The following WHAMM variants were observed in gnomAD, a reference collection of about 807,000 sequenced individuals.
The protein encoded by WHAMM is WASP homolog-associated protein with actin, membranes and microtubules.
Under a neutral mutation model 76.5 loss-of-function variants are expected in WHAMM, and 67 were observed. The observed-to-expected ratio is 0.88, with a 90% CI of 0.72 to 1.07. The LOEUF (loss-of-function observed/expected upper bound fraction) is 1.07. Among genes scored for constraint, WHAMM ranks in the 50% least tolerant of loss-of-function variants. The pLI, the probability that WHAMM is intolerant of heterozygous loss-of-function variation, is 0.00. For missense variants in WHAMM, 1,021 were observed against 1,051.1 expected (o/e 0.97, Z 0.40); for synonymous variants, 419 against 422.1 (o/e 0.99, Z 0.09).
At chr15:82,821,810 C>T (rs2050833440) in intron 5 of WHAMM, among the ~76,000 whole-genome samples, 1 of 152,122 alleles carries the variant, frequency 6.6e-6, no homozygotes, top group Non-Finnish European at 1.5e-5. Flanking sequence ...GTGGTCTTTG[C>T]AATTTTGAAT....
At position 82,813,102 on chromosome 15, in the gene WHAMM, G is replaced by A. The variant is rs781528678; in HGVS notation, c.610-1G>A. ...GAGCTTTATTCACATTTGCTTTCTA[G>A]GTTATTCAAGGACACGGAAAAGCCA... On this transcript the variant is annotated splice_acceptor_variant, in intron 1 of 9. Coordinates refer to ENST00000286760, the MANE Select transcript of WHAMM (RefSeq NM_001080435.3). LOFTEE classifies it high-confidence loss of function. The A allele has an allele frequency of 7.5e-6, 12 of 1,595,402 alleles. No homozygotes were observed. The highest frequency in any genetic ancestry group is 5.4e-5 in the Admixed American group (3 of 55,722).
chr15:82,816,964 C>G (rs572832463), intron 3 of WHAMM, 122 bp downstream of exon 3: 1 of 1,002,922 alleles, frequency 1.0e-6, no homozygotes, highest in Non-Finnish European at 1.4e-6. Context: ...AATTCAGTGT[C>G]AAGCGTTAAG....
chr15:82,810,658 A>G (rs2050613513), intron 1 of WHAMM: 2 of 985,492 alleles, frequency 2.0e-6, no homozygotes, highest in Non-Finnish European at 2.4e-6. Flanking sequence ...AAATATTGCA[A>G]GCAAGACTGA....
At chr15:82,822,158 TA>T (rs949416085) in intron 5 of WHAMM, among the ~76,000 whole-genome samples, 2 of 152,026 alleles carry the variant, frequency 1.3e-5, no homozygotes, top group Non-Finnish European at 2.9e-5. Flanking sequence ...AGCATGGCTT[TA>T]AAAAAAATCA....
intron 9 of WHAMM, among the ~76,000 whole-genome samples, chr15:82,832,242 C>T (rs904809319): frequency 6.6e-6 from 1 of 152,164 alleles, no homozygotes; most frequent in African/African-American, 2.4e-5. Flanking sequence ...GAATTTGCAC[C>T]AGAGAATGCC....
chr15:82,816,860 G>C lies in WHAMM; in HGVS notation c.934+18G>C, dbSNP rs1245307294. The C allele has an allele frequency of 6.5e-7, 1 of 1,547,574 alleles. No homozygotes were observed. The highest frequency in any genetic ancestry group is 1.4e-5 in the African/African-American group (1 of 72,922). ...ATTAGCAGGTGATAATTTAAAAAAT[G>C]CTATATGAAGATACATGTAATTGAT... On this transcript the variant is annotated intron_variant, in intron 3 of 9. Coordinates refer to ENST00000286760, the MANE Select transcript of WHAMM (RefSeq NM_001080435.3).
chr15:82,815,736 G>A (rs937790310), intron 2 of WHAMM, among the ~76,000 whole-genome samples: 3 of 152,164 alleles, frequency 2.0e-5, no homozygotes, highest in African/African-American at 7.2e-5. Flanking sequence ...GTTACTGTGT[G>A]TCTCTTTGGT....
chr15:82,829,927 A>C (rs1199642402), intron 8 of WHAMM, among the ~76,000 whole-genome samples: 2 of 152,200 alleles, frequency 1.3e-5, no homozygotes, highest in African/African-American at 2.4e-5. Context: ...GTTTTTCTAT[A>C]TCAAATGAAT....
chr15:82,828,125 A>G (rs995963774), intron 8 of WHAMM, among the ~76,000 whole-genome samples: 1 of 152,194 alleles, frequency 6.6e-6, no homozygotes. Flanking sequence ...TGCCTTCTGT[A>G]TACCAGGCAC....
At chr15:82,822,768 T>C (rs2050851011) in intron 5 of WHAMM, among the ~76,000 whole-genome samples, 1 of 152,156 alleles carries the variant, frequency 6.6e-6, no homozygotes, top group Non-Finnish European at 1.5e-5. Flanking sequence ...ATGGAAAATG[T>C]TCTTTTAGAA....
At position 82,817,916 on chromosome 15, in the gene WHAMM, A is replaced by G; in HGVS notation, c.935-4A>G. The G allele has an allele frequency of 6.6e-7, 1 of 1,511,108 alleles. No homozygotes were observed. Among genetic ancestry groups the G allele is most frequent in the Non-Finnish European group, 8.9e-7 (1 of 1,126,472 alleles). 93.6% of individuals were successfully genotyped at this position (1,511,108 alleles called of 1,614,324 possible). A position where few individuals can be genotyped will look rare whatever the true frequency, so the allele number is the denominator to read the frequency against. Reference sequence around the variant, plus strand: ...AATTATATTTTATTTTTATAATCCAACAGGAATGCAGAAAGAAATGGAACA... The same window carrying G: ...AATTATATTTTATTTTTATAATCCAGCAGGAATGCAGAAAGAAATGGAACA... On this transcript the variant is annotated splice_polypyrimidine_tract_variant and splice_region_variant and intron_variant, in intron 3 of 9. Transcript: ENST00000286760.
rs1301361603 is a variant in WHAMM, at chr15:82,834,440, G to A, written c.*904G>A. On this transcript the variant is annotated 3_prime_UTR_variant, in exon 10 of 10. Coordinates refer to ENST00000286760, the MANE Select transcript of WHAMM (RefSeq NM_001080435.3). ...ATAGGTGGGATGTCAAGACCCATCGGAAGTGTCGCTGGCCTAAGAGAAGAG... is the reference window on the plus strand; with the variant it reads ...ATAGGTGGGATGTCAAGACCCATCGAAAGTGTCGCTGGCCTAAGAGAAGAG... The A allele has an allele frequency of 6.6e-6, 1 of 152,640 alleles. No individual in the cohort carries two copies. Among genetic ancestry groups the A allele is most frequent in the African/African-American group, 2.4e-5 (1 of 41,466 alleles). The allele number at this position is 152,640 out of a possible 1,614,324, so 9.5% of individuals were successfully genotyped here.
chr15:82,813,033 T>C, intron 1 of WHAMM, 70 bp from the exon 2 acceptor site: 2 of 1,190,346 alleles, frequency 1.7e-6, no homozygotes, highest in East Asian at 5.6e-5. Context: ...TTCTTTTGTT[T>C]AGTTTTGTTT....
At position 82,818,398 on chromosome 15, in the gene WHAMM, C is replaced by T. The variant is rs576756079; in HGVS notation, c.1104+309C>T. 3.3e-5 allele frequency among the ~76,000 whole-genome samples: 5 copies of T among 152,318 alleles called. No individual in the cohort carries two copies. The East Asian group carries it at 9.6e-4, about 29-fold the overall frequency. On this transcript the variant is annotated intron_variant, in intron 4 of 9. Transcript: ENST00000286760. ...AAAGCACACTTTTATTTTTAGATAGCACTTTTCTTTCCAGGCATCGTTAAA... is the reference window on the plus strand; with the variant it reads ...AAAGCACACTTTTATTTTTAGATAGTACTTTTCTTTCCAGGCATCGTTAAA...
In WHAMM at chr15:82,818,193, A is replaced by G. The variant is rs1218079430; in HGVS notation, c.1104+104A>G. The G allele has an allele frequency of 4.0e-6, 5 of 1,256,996 alleles. No homozygotes were observed. In the Admixed American group the frequency reaches 1.2e-4, roughly 31 times the overall value. The allele number at this position is 1,256,996 out of a possible 1,614,324, so 77.9% of individuals were successfully genotyped here. The stretch of plus-strand genomic sequence containing the variant: ...AGTGCAGTTTTTGTTCCATGGATAT[A>G]TTGTGTAGTGGTGAAGTTTGGGCTT... On this transcript the variant is annotated intron_variant, in intron 4 of 9. Transcript: ENST00000286760.
At chr15:82,810,935 CT>C (rs2050617306) in intron 1 of WHAMM, among the ~76,000 whole-genome samples, 1 of 152,240 alleles carries the variant, frequency 6.6e-6, no homozygotes, top group East Asian at 1.9e-4. Flanking sequence ...GAGTGGTAAA[CT>C]TACTGAACCT....
In WHAMM at chr15:82,819,459, A is replaced by C. The variant is rs749533003; in HGVS notation, c.1241A>C (p.Gln414Pro). Residue 414 changes from glutamine (Q) to proline (P), a missense_variant, in exon 5 of 10, where the codon CAG (glutamine) becomes CCG (proline). Transcript: ENST00000286760. ...AACGAAGAAATACTGCTTACTACACAGTTGGACTCTCTTAAAAGACTTATA... is the reference window on the plus strand; with the variant it reads ...AACGAAGAAATACTGCTTACTACACCGTTGGACTCTCTTAAAAGACTTATA... ...LKNEEILLTTQLDSLKRLIKE... is the reference protein window; with the variant it reads ...LKNEEILLTTPLDSLKRLIKE... 9 of 1,263,542 alleles carry C rather than the reference A, an allele frequency of 7.1e-6. No homozygotes were observed. The South Asian group carries it at 1.4e-4, about 20-fold the overall frequency. The allele number at this position is 1,263,542 out of a possible 1,614,324, so 78.3% of individuals were successfully genotyped here.
At chr15:82,818,430 C>A (rs1271990874) in intron 4 of WHAMM, among the ~76,000 whole-genome samples, 1 of 152,196 alleles carries the variant, frequency 6.6e-6, no homozygotes, top group African/African-American at 2.4e-5. Flanking sequence ...TAAAGAGCTT[C>A]TTTTCTTCGC....
chr15:82,810,362 C>T (rs1018748959), intron 1 of WHAMM, 27 bp downstream of exon 1: 10 of 1,296,834 alleles, frequency 7.7e-6, no homozygotes, highest in South Asian at 7.1e-5. Context: ...CGCCGGCGTT[C>T]GTCCGCGCTT....
Sources: allele counts gnomAD v4.1 joint callset (sites outside exome capture counted in the v4.1 genomes callset), GRCh38; gene constraint gnomAD v4.1.1; transcripts MANE v1.5; gene names NCBI Gene and HGNC (gene_info 2026-07-23, HGNC 2026-07-21).